Variants in LGSN observed in about 807,000 individuals in gnomAD.
LGSN encodes lengsin, lens protein with glutamine synthetase domain, also known as lengsin.
LGSN carries 21 observed loss-of-function variants against 19.5 expected under a neutral mutation model. That is an observed-to-expected ratio of 1.07 (90% CI 0.76 to 1.55). LGSN has a LOEUF of 1.55. Among genes scored for constraint, LGSN ranks in the 40% most tolerant of loss-of-function variants. The pLI is 0.00. For synonymous variants in LGSN, 257 were observed against 215.6 expected (o/e 1.19, Z -1.68); for missense variants, 673 against 608.5 (o/e 1.11, Z -1.12).
the LGSN span, among the ~76,000 whole-genome samples, chr6:63,550,938 T>G: frequency 6.6e-6 from 1 of 152,166 alleles, no homozygotes; most frequent in Non-Finnish European, 1.5e-5. Context: ...ATAATTTTTT[T>G]CAAATAACCT....
the LGSN span, among the ~76,000 whole-genome samples, chr6:63,351,749 C>T: frequency 6.6e-6 from 1 of 152,208 alleles, no homozygotes; most frequent in Non-Finnish European, 1.5e-5. Flanking sequence ...TGAGCCTCCA[C>T]ACTCAGCCTA....
At chr6:63,331,087 G>A in the LGSN span, among the ~76,000 whole-genome samples, 1 of 152,222 alleles carries the variant, frequency 6.6e-6, no homozygotes, top group South Asian at 2.1e-4. Flanking sequence ...GGGGGGTTTT[G>A]TGGTCCTTTT....
At chr6:63,317,399 C>T (rs1341792527) in intron 1 of LGSN, among the ~76,000 whole-genome samples, 1 of 152,172 alleles carries the variant, frequency 6.6e-6, no homozygotes, top group Non-Finnish European at 1.5e-5. Flanking sequence ...CAGGCATTCT[C>T]ATTTCAGGAA....
the LGSN span, among the ~76,000 whole-genome samples, chr6:63,333,566 G>A: frequency 7.6e-6 from 1 of 131,490 alleles, no homozygotes; most frequent in Non-Finnish European, 1.6e-5. Context: ...AGGAAGGAAG[G>A]AGAGAGAGAG....
the LGSN span, among the ~76,000 whole-genome samples, chr6:63,368,260 C>T: frequency 6.6e-6 from 1 of 152,146 alleles, no homozygotes; most frequent in East Asian, 1.9e-4. Context: ...CCTGGGGACC[C>T]TTAAAGGCTA....
chr6:63,436,033 T>G, the LGSN span, among the ~76,000 whole-genome samples: 3 of 152,116 alleles, frequency 2.0e-5, no homozygotes, highest in African/African-American at 7.2e-5. Context: ...AATCCTTGAC[T>G]GGAACATTTT....
At chr6:63,570,451 C>A in the LGSN span, among the ~76,000 whole-genome samples, 6 of 152,152 alleles carry the variant, frequency 3.9e-5, no homozygotes, top group African/African-American at 1.4e-4. Context: ...GAGGCTAAGA[C>A]CCCCAGGCCA....
the LGSN span, chr6:63,549,316 G>T: frequency 2.7e-6 from 2 of 752,728 alleles, 1 homozygote; most frequent in South Asian, 2.7e-5. Flanking sequence ...GCTCTCTGCC[G>T]CTGCAACCTG....
chr6:63,412,535 A>AG, the LGSN span, among the ~76,000 whole-genome samples: 1 of 130,044 alleles, frequency 7.7e-6, no homozygotes, highest in Admixed American at 7.6e-5. Flanking sequence ...AGAAGGAAAG[A>AG]AAGAAAGAAA....
the LGSN span, among the ~76,000 whole-genome samples, chr6:63,401,273 G>T: frequency 6.6e-6 from 1 of 151,684 alleles, no homozygotes; most frequent in Non-Finnish European, 1.5e-5. Flanking sequence ...GGTGGCACAT[G>T]CCTGTGATCC....
Position 63,281,310 on chromosome 6 carries a change from TATATATATATATATATATATAATAA to T in LGSN, c.331-115_331-91del, listed in dbSNP as rs1767310034. 1.1e-4 allele frequency: 18 copies of T among 168,382 alleles called. No individual in the cohort carries two copies. The South Asian group carries it at 2.7e-3, about 26-fold the overall frequency. The allele number at this position is 168,382 out of a possible 1,614,324, so 10.4% of individuals were successfully genotyped here. On this transcript the variant is annotated intron_variant, in intron 3 of 3. Transcript: ENST00000370657. ...GGAAAGCCTTGCTAATGAAAATATA[TATATATATATATATATATATAATAA>T]ATATATATATATATGTTTAACACTT...
the LGSN span, among the ~76,000 whole-genome samples, chr6:63,344,281 G>A: frequency 6.6e-5 from 10 of 152,332 alleles, no homozygotes; most frequent in South Asian, 8.3e-4. Context: ...TAACGAAGCT[G>A]TAGTTTAGAA....
chr6:63,432,170 AAAAGG>A, the LGSN span, among the ~76,000 whole-genome samples: 1 of 96,442 alleles, frequency 1.0e-5, no homozygotes, highest in Non-Finnish European at 2.0e-5. Context: ...AGAAAGAAAG[AAAAGG>A]AAAGAAAGAA....
the LGSN span, among the ~76,000 whole-genome samples, chr6:63,450,302 C>T: frequency 1.1e-4 from 16 of 150,976 alleles, no homozygotes; most frequent in African/African-American, 3.6e-4. Flanking sequence ...GCAAAGGTTG[C>T]AGTGAGCAGA....
chr6:63,307,121 T>G (rs1302466033), intron 1 of LGSN, among the ~76,000 whole-genome samples: 2 of 152,186 alleles, frequency 1.3e-5, no homozygotes, highest in Non-Finnish European at 2.9e-5. Flanking sequence ...TTAGTACATC[T>G]AATAAAAATA....
chr6:63,384,488 C>CG, the LGSN span, among the ~76,000 whole-genome samples: 26 of 114,636 alleles, frequency 2.3e-4, no homozygotes, highest in South Asian at 1.6e-3. Flanking sequence ...GAAATAACAC[C>CG]TTGTGTGTGT....
chr6:63,311,236 T>C (rs1356592291), intron 1 of LGSN, among the ~76,000 whole-genome samples: 2 of 152,212 alleles, frequency 1.3e-5, no homozygotes, highest in African/African-American at 4.8e-5. Flanking sequence ...TTATCTCCAA[T>C]TGATCTGGGT....
chr6:63,441,776 C>T, the LGSN span: 3 of 363,664 alleles, frequency 8.2e-6, no homozygotes, highest in South Asian at 2.4e-5. Context: ...GCCACTCCCC[C>T]GGAAGCACAC....
chr6:63,387,545 C>T, the LGSN span, among the ~76,000 whole-genome samples: 3 of 152,022 alleles, frequency 2.0e-5, no homozygotes, highest in African/African-American at 7.2e-5. Context: ...TGGAACTAAC[C>T]CCCCACAGAT....
Sources: allele counts gnomAD v4.1 joint callset (sites outside exome capture counted in the v4.1 genomes callset), GRCh38; gene constraint gnomAD v4.1.1; transcripts MANE v1.5; gene names NCBI Gene and HGNC (gene_info 2026-07-23, HGNC 2026-07-21).